ZNF782: variants seen among roughly 807,000 people sequenced by gnomAD.
The protein encoded by ZNF782 is zinc finger protein 782.
Under a neutral mutation model 13.0 loss-of-function variants are expected in ZNF782, and 12 were observed. The observed-to-expected ratio is 0.92, with a 90% CI of 0.59 to 1.50. The LOEUF is 1.50. Ranked by LOEUF, ZNF782 falls within the 40% of genes most tolerant of loss-of-function variation. The pLI, the probability that ZNF782 is intolerant of heterozygous loss-of-function variation, is 0.00. For synonymous variants in ZNF782, 284 were observed against 283.0 expected, an observed-to-expected ratio of 1.00 and a Z score of -0.04; for missense variants, 770 against 822.9, an observed-to-expected ratio of 0.94 and a Z score of 0.79.
chr9:96,919,659 G>A, the ZNF782 span, among the ~76,000 whole-genome samples: 1 of 147,862 alleles, frequency 6.8e-6, no homozygotes, highest in Non-Finnish European at 1.5e-5. Flanking sequence ...TGCCTCCTGG[G>A]TTCAGGCGAT....
chr9:96,827,067 T>G lies in ZNF782; in HGVS notation c.244+13A>C. On this transcript the variant is annotated intron_variant, in intron 5 of 5. Transcript: ENST00000481138. ...ATCAGAGAACCTTCTTCTTGTTGAATTCAGTAACTCACCTGGGGAGTTCCT... is the reference window on the plus strand; with the variant it reads ...ATCAGAGAACCTTCTTCTTGTTGAAGTCAGTAACTCACCTGGGGAGTTCCT... 6.3e-7 allele frequency: 1 copy of G among 1,575,888 alleles called. No individual in the cohort carries two copies. Among genetic ancestry groups the G allele is most frequent in the Non-Finnish European group, 8.7e-7 (1 of 1,150,450 alleles).
chr9:96,878,599 C>G (rs1216637250), upstream of ZNF782, among the ~76,000 whole-genome samples: 4 of 152,126 alleles, frequency 2.6e-5, no homozygotes, highest in East Asian at 1.9e-4. Context: ...AAATTGTCTC[C>G]TAATCGAGTT....
the ZNF782 span, among the ~76,000 whole-genome samples, chr9:96,902,180 T>A: frequency 6.6e-6 from 1 of 152,040 alleles, no homozygotes; most frequent in Non-Finnish European, 1.5e-5. Context: ...ACACCTGTAA[T>A]CCCAGCACTT....
chr9:96,882,707 T>C, the ZNF782 span, among the ~76,000 whole-genome samples: 1 of 152,204 alleles, frequency 6.6e-6, no homozygotes. Flanking sequence ...GAGCATTCCA[T>C]GATTGTTTTA....
chr9:96,836,013 C>T (rs1430735941), intron 4 of ZNF782, among the ~76,000 whole-genome samples: 1 of 152,142 alleles, frequency 6.6e-6, no homozygotes, highest in Non-Finnish European at 1.5e-5. Flanking sequence ...CCTGTGAGAG[C>T]AGCAATGTAA....
chr9:96,839,032 C>T (rs943536638), intron 4 of ZNF782, among the ~76,000 whole-genome samples: 5 of 151,998 alleles, frequency 3.3e-5, no homozygotes, highest in Non-Finnish European at 4.4e-5. Context: ...CAACTTTTTA[C>T]TGTCAGTTGG....
chr9:96,838,566 G>C (rs1308248077), intron 4 of ZNF782, among the ~76,000 whole-genome samples: 3 of 151,928 alleles, frequency 2.0e-5, no homozygotes, highest in Non-Finnish European at 4.4e-5. Flanking sequence ...TAAATGTCTA[G>C]GGCTGTTATG....
chr9:96,818,965 A>G lies in ZNF782; in HGVS notation c.1058T>C (p.Phe353Ser), dbSNP rs971359478. Residue 353 changes from phenylalanine to serine, a missense_variant, in exon 6 of 6, where the codon TTC becomes TCC. Phe to Ser is a radical substitution (Grantham distance 155). Transcript: ENST00000481138. ...TATGTGAACCTTCTGATGTACACTG[A>G]AAGTTGACTGGTAGCTGAATGTCTC... ...CTETFSYQST[F>S]SVHQKVHIRA... The G allele has an allele frequency of 6.2e-7, 1 of 1,614,186 alleles. No individual in the cohort carries two copies. Among genetic ancestry groups the G allele is most frequent in the Non-Finnish European group, 8.5e-7 (1 of 1,180,014 alleles).
At chr9:96,833,927 G>A (rs1387582013) in intron 4 of ZNF782, among the ~76,000 whole-genome samples, 1 of 152,110 alleles carries the variant, frequency 6.6e-6, no homozygotes, top group African/African-American at 2.4e-5. Flanking sequence ...TTTGGCTACT[G>A]GGAGATCTTT....
chr9:96,912,198 G>GAAAAA, the ZNF782 span, among the ~76,000 whole-genome samples: 2 of 56,708 alleles, frequency 3.5e-5, no homozygotes, highest in Admixed American at 1.7e-4. Flanking sequence ...ACTCCGTCTC[G>GAAAAA]AAAAAAAAAA....
At chr9:96,881,469 T>A in the ZNF782 span, among the ~76,000 whole-genome samples, 2 of 152,172 alleles carry the variant, frequency 1.3e-5, no homozygotes, top group Admixed American at 1.3e-4. Flanking sequence ...AAATTGTGAA[T>A]GGATGAGTGA....
At chr9:96,836,212 CTTT>C (rs1163521968) in intron 4 of ZNF782, among the ~76,000 whole-genome samples, 7 of 137,162 alleles carry the variant, frequency 5.1e-5, no homozygotes, top group Middle Eastern at 3.5e-3. Context: ...AAGTAAAAAA[CTTT>C]TTTTTTTTTT....
chr9:96,871,804 G>A lies in ZNF782; in HGVS notation c.-457+3664C>T, dbSNP rs147459476. 4.9e-3 allele frequency among the ~76,000 whole-genome samples: 750 copies of A among 152,282 alleles called. 6 individuals carry two copies. Among genetic ancestry groups the A allele is most frequent in the African/African-American group, 0.017 (706 of 41,574 alleles). ...ATTTGTAGCATTGATACTTCTACAA[G>A]TATCAAAGCTTAAAATTACACTAAG... On this transcript the variant is annotated intron_variant, in intron 1 of 5. Transcript: ENST00000498811.
intron 1 of ZNF782, among the ~76,000 whole-genome samples, chr9:96,873,439 C>A (rs990091284): frequency 6.6e-6 from 1 of 152,154 alleles, no homozygotes; most frequent in African/African-American, 2.4e-5. Flanking sequence ...GTGGCTCATG[C>A]CTGTAATGCC....
At chr9:96,872,968 G>C (rs757578809) in intron 1 of ZNF782, among the ~76,000 whole-genome samples, 1 of 152,146 alleles carries the variant, frequency 6.6e-6, no homozygotes, top group Non-Finnish European at 1.5e-5. Context: ...TGGAAGTACA[G>C]AAAGTAGAAT....
chr9:96,821,107 T>C (rs1269767187), intron 5 of ZNF782, among the ~76,000 whole-genome samples: 1 of 152,236 alleles, frequency 6.6e-6, no homozygotes, highest in African/African-American at 2.4e-5. Flanking sequence ...GCCCTACTGC[T>C]ACCCGCATTC....
the ZNF782 span, among the ~76,000 whole-genome samples, chr9:96,926,939 G>C: frequency 6.6e-6 from 1 of 152,120 alleles, no homozygotes; most frequent in Non-Finnish European, 1.5e-5. Flanking sequence ...CTGCCCAGCA[G>C]GGAGTGACAT....
chr9:96,925,646 A>G, the ZNF782 span, among the ~76,000 whole-genome samples: 1 of 150,548 alleles, frequency 6.6e-6, no homozygotes, highest in Non-Finnish European at 1.5e-5. Context: ...AAAAAAAAAA[A>G]AAACTGGTAC....
At position 96,818,355 on chromosome 9, in the gene ZNF782, G is replaced by A; in HGVS notation, c.1668C>T (p.His556=). 2 of 1,614,134 alleles carry A rather than the reference G, an allele frequency of 1.2e-6. No homozygotes were observed. Among genetic ancestry groups the A allele is most frequent in the Non-Finnish European group, 8.5e-7 (1 of 1,180,034 alleles). ...TACATTTATAGGGTTTTTCCCCTGTGTGAATTCTATGATGTCCTCTGAGTT... is the reference window on the plus strand; with the variant it reads ...TACATTTATAGGGTTTTTCCCCTGTATGAATTCTATGATGTCCTCTGAGTT... ...KSQLRGHHRI[H]TGEKPYKCNH... is the part of the protein sequence containing the mutation. The change falls in exon 6 of 6, where the codon CAC becomes CAT. Residue 556 remains histidine, a synonymous_variant. Transcript: ENST00000481138.
Sources: gnomAD v4.1 joint callset for allele counts (sites outside exome capture counted in the v4.1 genomes callset) on GRCh38, gnomAD v4.1.1 for gene constraint, MANE v1.5 for transcripts, NCBI Gene and HGNC (gene_info 2026-07-23, HGNC 2026-07-21) for gene names.